The following MYO16 variants were observed in gnomAD, a reference collection of about 807,000 sequenced individuals.
MYO16 encodes unconventional myosin-XVI.
Under a neutral mutation model 205.3 loss-of-function variants are expected in MYO16, and 94 were observed. The observed-to-expected ratio is 0.46, with a 90% CI of 0.39 to 0.54. The LOEUF is 0.54. MYO16 is among the 20% of genes least tolerant of loss of function. The pLI is 0.00. For synonymous variants in MYO16, 988 were observed against 954.0 expected (o/e 1.04, Z -0.66); for missense variants, 2,315 against 2,387.5 (o/e 0.97, Z 0.63).
At chr13:109,003,973 G>T (rs1885306472) in intron 21 of MYO16, among the ~76,000 whole-genome samples, 2 of 152,184 alleles carry the variant, frequency 1.3e-5, no homozygotes, top group African/African-American at 2.4e-5. Context: ...GAGAGGAAAA[G>T]AAAATGTCAT....
At chr13:108,860,043 T>C (rs1878378105) in intron 11 of MYO16, among the ~76,000 whole-genome samples, 1 of 151,838 alleles carries the variant, frequency 6.6e-6, no homozygotes, top group South Asian at 2.1e-4. Flanking sequence ...TAGGTTTGGG[T>C]TGTAAAGGTT....
intron 3 of MYO16, among the ~76,000 whole-genome samples, chr13:108,716,297 T>C (rs1883943102): frequency 6.6e-6 from 1 of 152,184 alleles, no homozygotes; most frequent in East Asian, 1.9e-4. Flanking sequence ...AATGGTAGCA[T>C]CTGAAGGAAA....
the MYO16 span, among the ~76,000 whole-genome samples, chr13:108,522,506 C>G: frequency 6.6e-6 from 1 of 152,096 alleles, no homozygotes; most frequent in Non-Finnish European, 1.5e-5. Context: ...AACTGGGTGG[C>G]TTTAACAACA....
At position 109,121,433 on chromosome 13, in the gene MYO16, T is replaced by A. The variant is rs529423965; in HGVS notation, c.3535+967T>A. Among the ~76,000 whole-genome samples, 74 of 152,338 alleles carry A rather than the reference T, an allele frequency of 4.9e-4. 1 individual carries two copies. In the Middle Eastern group the frequency reaches 0.014, roughly 28 times the overall value. On this transcript the variant is annotated intron_variant, in intron 29 of 34. Transcript: ENST00000457511. Reference sequence around the variant, plus strand: ...CAGCTGGGGCAGACTTCAACAGCTCTCCACATATTCAGGAGCACTTCAGGG... The same window carrying A: ...CAGCTGGGGCAGACTTCAACAGCTCACCACATATTCAGGAGCACTTCAGGG...
chr13:108,784,314 A>G (rs1166143239), intron 4 of MYO16, among the ~76,000 whole-genome samples: 3 of 152,234 alleles, frequency 2.0e-5, no homozygotes, highest in Middle Eastern at 3.2e-3. Flanking sequence ...CCTTAAAATT[A>G]TAAAGGTCCT....
intron 14 of MYO16, among the ~76,000 whole-genome samples, chr13:108,897,249 C>T (rs1224580459): frequency 6.6e-6 from 1 of 152,212 alleles, no homozygotes; most frequent in Non-Finnish European, 1.5e-5. Flanking sequence ...TGGTCCCCAT[C>T]ACCTTCACAG....
intron 1 of MYO16, among the ~76,000 whole-genome samples, chr13:108,596,602 A>G (rs1878572307): frequency 6.6e-6 from 1 of 152,218 alleles, no homozygotes; most frequent in Non-Finnish European, 1.5e-5. Context: ...CTTGTGTACA[A>G]TTTAAGATTG....
At chr13:108,856,331 T>C (rs989199265) in intron 11 of MYO16, among the ~76,000 whole-genome samples, 5 of 152,238 alleles carry the variant, frequency 3.3e-5, no homozygotes, top group African/African-American at 1.2e-4. Context: ...TTGTTTTTTT[T>C]CTAGTCTACT....
intron 9 of MYO16, among the ~76,000 whole-genome samples, chr13:108,844,127 TATAC>T (rs1298402839): frequency 2.0e-5 from 3 of 152,172 alleles, no homozygotes; most frequent in Non-Finnish European, 2.9e-5. Context: ...CAAATAAGTA[TATAC>T]TTTTTTCTTT....
chr13:108,507,915 G>A, the MYO16 span, among the ~76,000 whole-genome samples: 1 of 151,400 alleles, frequency 6.6e-6, no homozygotes, highest in Admixed American at 6.6e-5. Flanking sequence ...CTTTTGCTTG[G>A]CCAAGTCTGT....
At chr13:108,575,505 CA>C in the MYO16 span, among the ~76,000 whole-genome samples, 1 of 152,092 alleles carries the variant, frequency 6.6e-6, no homozygotes, top group Non-Finnish European at 1.5e-5. Context: ...GTGTGAAATA[CA>C]ACAAGCTCTC....
chr13:109,191,172 T>G (rs1879898074), intron 34 of MYO16, among the ~76,000 whole-genome samples: 1 of 151,668 alleles, frequency 6.6e-6, no homozygotes, highest in Admixed American at 6.6e-5. Context: ...TGAGCCAAGA[T>G]CGCGCCACTG....
chr13:109,144,110 G>T (rs1347992715), intron 32 of MYO16, among the ~76,000 whole-genome samples: 1 of 150,794 alleles, frequency 6.6e-6, no homozygotes, highest in African/African-American at 2.4e-5. Flanking sequence ...TGCCTTCCAA[G>T]TTCAAGCAAT....
intron 23 of MYO16, among the ~76,000 whole-genome samples, chr13:109,023,221 T>A (rs9583320): frequency 6.3e-5 from 7 of 111,650 alleles, no homozygotes; most frequent in Admixed American, 1.1e-4. Flanking sequence ...ATGTATATAT[T>A]TATATATTAT....
chr13:108,993,175 C>A (rs184767867), intron 21 of MYO16, among the ~76,000 whole-genome samples: 1 of 151,986 alleles, frequency 6.6e-6, no homozygotes, highest in African/African-American at 2.4e-5. Context: ...TTCATAGTTA[C>A]GTAATTTGTT....
At chr13:108,676,803 G>A (rs192973924) in intron 2 of MYO16, among the ~76,000 whole-genome samples, 1 of 152,266 alleles carries the variant, frequency 6.6e-6, no homozygotes, top group African/African-American at 2.4e-5. Flanking sequence ...AAATGTACTT[G>A]CTTTCTGCTG....
intron 1 of MYO16, among the ~76,000 whole-genome samples, chr13:108,600,934 C>T (rs1878739259): frequency 6.6e-6 from 1 of 151,910 alleles, no homozygotes; most frequent in Non-Finnish European, 1.5e-5. Flanking sequence ...TTTTATGCCA[C>T]TTATCCTCAT....
the MYO16 span, among the ~76,000 whole-genome samples, chr13:108,539,162 G>A: frequency 2.6e-5 from 4 of 152,038 alleles, no homozygotes; most frequent in African/African-American, 4.8e-5. Flanking sequence ...GAGTTAAGAG[G>A]GATGGTTTTT....
intron 10 of MYO16, among the ~76,000 whole-genome samples, chr13:108,848,997 G>A (rs1358114413): frequency 1.1e-5 from 1 of 88,162 alleles, no homozygotes; most frequent in Non-Finnish European, 2.7e-5. Flanking sequence ...GAAAGGGAAA[G>A]GGCCTGGTAG....
Sources: gnomAD v4.1 joint callset for allele counts (sites outside exome capture counted in the v4.1 genomes callset) on GRCh38, gnomAD v4.1.1 for gene constraint, MANE v1.5 for transcripts, NCBI Gene and HGNC (gene_info 2026-07-23, HGNC 2026-07-21) for gene names.